Variants in AP3D1 observed in about 807,000 individuals in gnomAD.
AP3D1 encodes the protein AP-3 complex subunit delta-1.
AP3D1 carries 51 observed loss-of-function variants against 147.6 expected under a neutral mutation model. The ratio of observed to expected loss-of-function variants is 0.35; its 90% CI spans 0.28 to 0.44. The LOEUF (loss-of-function observed/expected upper bound fraction) is 0.44. Among genes scored for constraint, AP3D1 ranks in the 20% least tolerant of loss-of-function variants. The pLI is 1.00. For synonymous variants in AP3D1, 760 were observed against 663.0 expected (o/e 1.15, Z -2.25); for missense variants, 1,421 against 1,624.2 (o/e 0.87, Z 2.15).
At chr19:2,152,893 C>G (rs942492824), upstream of AP3D1, among the ~76,000 whole-genome samples, 1 of 151,302 alleles carries the variant, frequency 6.6e-6, no homozygotes, top group Non-Finnish European at 1.5e-5. Context: ...ACAAAACAAA[C>G]CAAAAAAACT....
At chr19:2,132,439 T>C (rs753886626) in intron 5 of AP3D1, 32 bp downstream of exon 5, 4 of 1,565,916 alleles carry the variant, frequency 2.6e-6, no homozygotes, top group East Asian at 4.6e-5. Flanking sequence ...AGAGCAGACA[T>C]GCAGGGGTGG....
chr19:2,125,902 T>A (rs952427995), intron 9 of AP3D1, among the ~76,000 whole-genome samples: 3 of 151,622 alleles, frequency 2.0e-5, no homozygotes, highest in African/African-American at 7.3e-5. Flanking sequence ...ATCCCATCAC[T>A]TTGAGAGGTC....
At position 2,160,253 on chromosome 19, in the gene AP3D1, T is replaced by A. The variant is rs148189934; in HGVS notation, c.-103+4103A>T. Among the ~76,000 whole-genome samples, 83 of 151,954 alleles carry A rather than the reference T, an allele frequency of 5.5e-4. 1 individual carries two copies. The East Asian group carries it at 0.014, about 26-fold the overall frequency. ...TGTACAAAAGTGGGAGGAGGCCAGG[T>A]GTGGTGGCTCAAGCCTGTAATCCCA... On this transcript the variant is annotated intron_variant, in intron 1 of 14. Coordinates refer to the AP3D1 transcript ENST00000643010.
chr19:2,164,527 G>C (rs1358644982), upstream of AP3D1: 4 of 292,100 alleles, frequency 1.4e-5, no homozygotes, highest in Non-Finnish European at 2.5e-5. Context: ...TGCCCCCGCC[G>C]GGCTGTCCCG....
intron 1 of AP3D1, among the ~76,000 whole-genome samples, chr19:2,159,728 T>C (rs2019680232): frequency 7.3e-6 from 1 of 137,394 alleles, no homozygotes; most frequent in South Asian, 2.3e-4. Context: ...TGAGACGGAG[T>C]CTTGTTCTGT....
chr19:2,109,327 C>CG (rs999399693), intron 29 of AP3D1, 120 bp from the exon 30 acceptor site: 1 of 1,372,860 alleles, frequency 7.3e-7, no homozygotes, highest in Non-Finnish European at 9.7e-7. Flanking sequence ...GTGTCTGGGC[C>CG]GGGAGGTCTT....
At chr19:2,105,026 G>A (rs554477650) in intron 31 of AP3D1, among the ~76,000 whole-genome samples, 3 of 152,198 alleles carry the variant, frequency 2.0e-5, no homozygotes, top group Admixed American at 6.6e-5. Context: ...GATCACCAGG[G>A]CATCAGCAAA....
chr19:2,125,786 C>T lies in AP3D1; in HGVS notation c.856+1366G>A, dbSNP rs554593341. Among the ~76,000 whole-genome samples the T allele has an allele frequency of 5.3e-5, 8 of 151,640 alleles. 1 individual carries two copies. In the South Asian group the frequency reaches 1.7e-3, roughly 32 times the overall value. ...TGCTATTTGACAATCTAGAGGTGTA[C>T]CTTAAAAATATACCATTTTTAATTG... is the stretch of plus-strand genomic sequence containing the variant. On this transcript the variant is annotated intron_variant, in intron 9 of 31. Coordinates refer to ENST00000643116, the MANE Select transcript of AP3D1 (RefSeq NM_001261826.3).
chr19:2,104,806 A>G (rs2018066024), intron 31 of AP3D1, among the ~76,000 whole-genome samples: 1 of 151,710 alleles, frequency 6.6e-6, no homozygotes, highest in African/African-American at 2.4e-5. Context: ...AGCAGGGACT[A>G]CAGGCTCACT....
At chr19:2,127,329 G>A in intron 8 of AP3D1, 128 bp from the exon 9 acceptor site, 1 of 982,028 alleles carries the variant, frequency 1.0e-6, no homozygotes, top group Non-Finnish European at 1.5e-6. Flanking sequence ...CCAGGAGGGA[G>A]CCCGTGCCTT....
intron 1 of AP3D1, among the ~76,000 whole-genome samples, chr19:2,147,962 T>C (rs1480296631): frequency 6.6e-6 from 1 of 150,582 alleles, no homozygotes; most frequent in Non-Finnish European, 1.5e-5. Flanking sequence ...GGCGGGAGGA[T>C]CACGAGGACA....
chr19:2,113,277 T>G, intron 23 of AP3D1, 59 bp downstream of exon 23: 2 of 864,296 alleles, frequency 2.3e-6, no homozygotes, highest in Non-Finnish European at 3.4e-6. Context: ...CTTCCCTGAG[T>G]GCCAGGTATG....
Position 2,158,473 on chromosome 19 carries a change from T to C in AP3D1, c.-103+5883A>G, listed in dbSNP as rs183189965. On this transcript the variant is annotated intron_variant, in intron 1 of 14. Coordinates refer to the AP3D1 transcript ENST00000643010. ...TGGGCTCAAGCAGGGGCCCAGCTAC[T>C]TTTTGTGTATTTTTTGTAGATAATG... Among the ~76,000 whole-genome samples, 182 of 151,588 alleles carry C rather than the reference T, an allele frequency of 1.2e-3. 1 individual carries two copies. The highest frequency in any genetic ancestry group is 3.9e-3 in the Admixed American group (59 of 15,158).
intron 5 of AP3D1, among the ~76,000 whole-genome samples, chr19:2,131,791 G>A (rs7255038): frequency 0.68 from 34,005 of 50,052 alleles, 10,744 homozygotes; most frequent in Non-Finnish European, 0.72. Context: ...CACGGGGACC[G>A]CGCCCATCGG....
upstream of AP3D1, among the ~76,000 whole-genome samples, chr19:2,152,964 T>C (rs1170835186): frequency 4.6e-5 from 7 of 150,974 alleles, no homozygotes; most frequent in Non-Finnish European, 8.8e-5. Context: ...TGGGGCAGGA[T>C]GGCTGACACC....
At chr19:2,102,603 C>T (rs2144976983) in intron 31 of AP3D1, among the ~76,000 whole-genome samples, 1 of 152,160 alleles carries the variant, frequency 6.6e-6, no homozygotes, top group South Asian at 2.1e-4. Context: ...TGGCGGGTGC[C>T]TGTAGTCCCA....
At chr19:2,109,776 C>T in intron 29 of AP3D1, 97 bp downstream of exon 29, 1 of 1,198,126 alleles carries the variant, frequency 8.3e-7, no homozygotes, top group Non-Finnish European at 1.2e-6. Flanking sequence ...CTCTAAAGTC[C>T]TGCCCAGAAG....
chr19:2,127,397 G>C (rs1245436981), intron 8 of AP3D1, among the ~76,000 whole-genome samples, 196 bp from the exon 9 acceptor site: 1 of 152,232 alleles, frequency 6.6e-6, no homozygotes, highest in African/African-American at 2.4e-5. Flanking sequence ...AGAAAGGGCA[G>C]GTGAGCAATC....
At chr19:2,104,173 G>A (rs528065502) in intron 31 of AP3D1, among the ~76,000 whole-genome samples, 1,560 of 146,244 alleles carry the variant, frequency 0.011, 23 homozygotes, top group Non-Finnish European at 0.014. Context: ...CCAACACCGA[G>A]ACACCAACGC....
Sources: allele counts gnomAD v4.1 joint callset (sites outside exome capture counted in the v4.1 genomes callset), GRCh38; gene constraint gnomAD v4.1.1; transcripts MANE v1.5; gene names NCBI Gene and HGNC (gene_info 2026-07-23, HGNC 2026-07-21).